Variants in CTDSPL2 observed in about 807,000 individuals in gnomAD.
CTDSPL2 encodes CTD small phosphatase-like protein 2.
CTDSPL2 carries 5 observed loss-of-function variants against 60.0 expected under a neutral mutation model. The observed-to-expected ratio is 0.08, with a 90% CI of 0.04 to 0.18. CTDSPL2 has a LOEUF of 0.18. CTDSPL2 is among the 10% of genes least tolerant of loss of function. CTDSPL2 has a pLI of 1.00. For missense variants in CTDSPL2, 370 were observed against 548.8 expected, an observed-to-expected ratio of 0.67 and a Z score of 3.26; for synonymous variants, 186 against 189.3, an observed-to-expected ratio of 0.98 and a Z score of 0.14.
chr15:44,465,617 G>T (rs1389747557), intron 2 of CTDSPL2, among the ~76,000 whole-genome samples: 1 of 150,770 alleles, frequency 6.6e-6, no homozygotes, highest in African/African-American at 2.4e-5. Context: ...AAATTTCTTA[G>T]TTTGAAAAAC....
At chr15:44,440,761 G>GC (rs1383092844) in intron 1 of CTDSPL2, among the ~76,000 whole-genome samples, 2 of 151,960 alleles carry the variant, frequency 1.3e-5, no homozygotes, top group Non-Finnish European at 2.9e-5. Flanking sequence ...TTTACTGAAT[G>GC]CTGGATATTG....
chr15:44,467,483 A>G (rs1201169831), intron 2 of CTDSPL2, among the ~76,000 whole-genome samples: 1 of 152,004 alleles, frequency 6.6e-6, no homozygotes, highest in East Asian at 1.9e-4. Flanking sequence ...GTTCTTTTCT[A>G]TTCCTGTTTG....
At chr15:44,462,547 C>T (rs1361824996) in intron 2 of CTDSPL2, among the ~76,000 whole-genome samples, 1 of 151,868 alleles carries the variant, frequency 6.6e-6, no homozygotes, top group Non-Finnish European at 1.5e-5. Flanking sequence ...TGAGAATTTG[C>T]TACTATTGAT....
At chr15:44,466,069 G>C (rs1471491636) in intron 2 of CTDSPL2, among the ~76,000 whole-genome samples, 23 of 151,874 alleles carry the variant, frequency 1.5e-4, no homozygotes, top group Non-Finnish European at 1.5e-5. Context: ...TGAGTAGATG[G>C]GATTACAGGC....
chr15:44,498,756 G>A (rs1482975064), intron 7 of CTDSPL2, among the ~76,000 whole-genome samples: 2 of 151,806 alleles, frequency 1.3e-5, no homozygotes, highest in East Asian at 1.9e-4. Context: ...AAAATTAGCC[G>A]GGCGTGGTGG....
chr15:44,487,342 C>G (rs2081138870), intron 4 of CTDSPL2, among the ~76,000 whole-genome samples: 1 of 152,148 alleles, frequency 6.6e-6, no homozygotes, highest in Admixed American at 6.5e-5. Context: ...GTAGTCCTAG[C>G]TACTCCAGAG....
chr15:44,456,174 G>A (rs981573878), intron 1 of CTDSPL2, among the ~76,000 whole-genome samples: 15 of 152,146 alleles, frequency 9.9e-5, no homozygotes, highest in African/African-American at 3.4e-4. Context: ...TTGCATCAAT[G>A]TTCATCAAGG....
At chr15:44,464,451 A>G (rs1255503015) in intron 2 of CTDSPL2, among the ~76,000 whole-genome samples, 1 of 152,198 alleles carries the variant, frequency 6.6e-6, no homozygotes, top group Non-Finnish European at 1.5e-5. Context: ...GCTAGGATTT[A>G]AACTCATATG....
At chr15:44,453,582 C>A (rs891871471) in intron 1 of CTDSPL2, among the ~76,000 whole-genome samples, 7 of 147,638 alleles carry the variant, frequency 4.7e-5, no homozygotes, top group Non-Finnish European at 1.0e-4. Context: ...CCATCCCCCC[C>A]ACCCCACGAC....
At chr15:44,471,348 G>T (rs1395087468) in intron 2 of CTDSPL2, among the ~76,000 whole-genome samples, 2 of 152,106 alleles carry the variant, frequency 1.3e-5, no homozygotes, top group African/African-American at 4.8e-5. Flanking sequence ...CTTCTTTGTA[G>T]CAGCTTTATT....
chr15:44,445,681 G>T (rs149072999), intron 1 of CTDSPL2, among the ~76,000 whole-genome samples: 236 of 149,234 alleles, frequency 1.6e-3, no homozygotes, highest in African/African-American at 5.6e-3. Context: ...ACTGTCGCCT[G>T]GGCTGGAGTG....
chr15:44,450,635 C>T (rs1275473079), intron 1 of CTDSPL2, among the ~76,000 whole-genome samples: 2 of 110,824 alleles, frequency 1.8e-5, no homozygotes, highest in Non-Finnish European at 3.3e-5. Flanking sequence ...CTCACTTTGT[C>T]ACGCAGATTG....
chr15:44,448,428 G>A, intron 1 of CTDSPL2: 1 of 241,292 alleles, frequency 4.1e-6, no homozygotes, highest in Non-Finnish European at 8.3e-6. Context: ...CTGGACTCAT[G>A]CATTCCATGC....
chr15:44,482,216 A>G (rs1367460851), intron 2 of CTDSPL2, among the ~76,000 whole-genome samples: 1 of 152,076 alleles, frequency 6.6e-6, no homozygotes, highest in East Asian at 1.9e-4. Context: ...GTGCAATCAT[A>G]GCTCCCTGCA....
At chr15:44,478,933 C>T (rs896068922) in intron 2 of CTDSPL2, among the ~76,000 whole-genome samples, 25 of 152,128 alleles carry the variant, frequency 1.6e-4, no homozygotes, top group Admixed American at 1.3e-4. Flanking sequence ...TGCACTTTAG[C>T]CTGGGTGACG....
In CTDSPL2 at chr15:44,528,317, G is replaced by A. The variant is rs1326168699; in HGVS notation, c.*4143G>A. 1 of 151,330 alleles carries A rather than the reference G, an allele frequency of 6.6e-6. No individual in the cohort carries two copies. The highest frequency in any genetic ancestry group is 1.5e-5 in the Non-Finnish European group (1 of 67,924). The allele number at this position is 151,330 out of a possible 1,614,324, so 9.4% of individuals were successfully genotyped here. ...GGAAAATTGTCTCGCTGGATCTCGA[G>A]AGGGGCCTGAGAGTTCTGGCTTTTT... On this transcript the variant is annotated 3_prime_UTR_variant, in exon 13 of 13. Coordinates refer to ENST00000260327, the MANE Select transcript of CTDSPL2 (RefSeq NM_016396.3).
chr15:44,515,747 C>A (rs2081639414), intron 10 of CTDSPL2, among the ~76,000 whole-genome samples: 1 of 152,122 alleles, frequency 6.6e-6, no homozygotes, highest in Non-Finnish European at 1.5e-5. Context: ...GTGGCGCATG[C>A]CTGTAATCCC....
intron 8 of CTDSPL2, among the ~76,000 whole-genome samples, chr15:44,506,649 A>C (rs1038487633): frequency 1.3e-5 from 2 of 151,892 alleles, no homozygotes; most frequent in Admixed American, 6.6e-5. Flanking sequence ...TCCTGGGCTC[A>C]AGCAATCCAC....
chr15:44,509,752 C>T (rs1263778580), intron 8 of CTDSPL2, among the ~76,000 whole-genome samples: 1 of 151,594 alleles, frequency 6.6e-6, no homozygotes, highest in African/African-American at 2.4e-5. Flanking sequence ...ATGTCAAAAC[C>T]CCGTCTCTAC....
Sources: gnomAD v4.1 joint callset for allele counts (sites outside exome capture counted in the v4.1 genomes callset) on GRCh38, gnomAD v4.1.1 for gene constraint, MANE v1.5 for transcripts, NCBI Gene and HGNC (gene_info 2026-07-23, HGNC 2026-07-21) for gene names.